The following GRHL2 variants were observed in gnomAD, a reference collection of about 807,000 sequenced individuals.
GRHL2 encodes grainyhead-like protein 2 homolog.
In GRHL2, 21 loss-of-function variants were observed where a neutral mutation model predicts 83.8. The observed-to-expected ratio is 0.25, with a 90% CI of 0.18 to 0.36. GRHL2 has a LOEUF of 0.36. Ranked by LOEUF, GRHL2 falls within the 10% of genes least tolerant of loss-of-function variation. GRHL2 has a pLI of 1.00. For missense variants in GRHL2, 623 were observed against 781.8 expected, an observed-to-expected ratio of 0.80 and a Z score of 2.42; for synonymous variants, 280 against 278.9, an observed-to-expected ratio of 1.00 and a Z score of -0.04.
chr8:101,504,564 CT>C (rs1156417152), intron 1 of GRHL2, among the ~76,000 whole-genome samples: 1 of 151,790 alleles, frequency 6.6e-6, no homozygotes, highest in African/African-American at 2.4e-5. Flanking sequence ...CAGTTTTGAG[CT>C]TTTTTGAAGG....
At chr8:101,514,891 C>T (rs894099324) in intron 1 of GRHL2, among the ~76,000 whole-genome samples, 1 of 151,500 alleles carries the variant, frequency 6.6e-6, no homozygotes, top group Non-Finnish European at 1.5e-5. Context: ...ACTCTCTGTC[C>T]TTCCCCCTTT....
At chr8:101,525,424 ATACT>A (rs1237211060) in intron 1 of GRHL2, among the ~76,000 whole-genome samples, 2 of 152,216 alleles carry the variant, frequency 1.3e-5, no homozygotes, top group Non-Finnish European at 2.9e-5. Context: ...ATTTTAAAAA[ATACT>A]TATTTATGGC....
chr8:101,580,995 G>A (rs1390295277), intron 7 of GRHL2, among the ~76,000 whole-genome samples: 3 of 152,182 alleles, frequency 2.0e-5, no homozygotes, highest in Non-Finnish European at 2.9e-5. Flanking sequence ...AAGCCACTGC[G>A]TGCCACCATT....
intron 1 of GRHL2, among the ~76,000 whole-genome samples, chr8:101,513,462 A>T (rs191185910): frequency 1.3e-4 from 18 of 133,878 alleles, no homozygotes; most frequent in Non-Finnish European, 2.4e-4. Context: ...GGGTGTGTGT[A>T]TGTGTCTCTG....
At chr8:101,577,844 T>A (rs1811964632) in intron 7 of GRHL2, among the ~76,000 whole-genome samples, 1 of 152,198 alleles carries the variant, frequency 6.6e-6, no homozygotes. Flanking sequence ...AGTCAGCAGG[T>A]CAGATGAACT....
At chr8:101,633,294 A>G (rs1813224174) in intron 11 of GRHL2, among the ~76,000 whole-genome samples, 1 of 152,206 alleles carries the variant, frequency 6.6e-6, no homozygotes, top group Non-Finnish European at 1.5e-5. Flanking sequence ...TTGGGTTTTA[A>G]TGAATTTTTG....
Position 101,597,229 on chromosome 8 carries a change from G to A in GRHL2, c.1004-1828G>A, listed in dbSNP as rs114279896. Among the ~76,000 whole-genome samples the A allele has an allele frequency of 5.9e-3, 900 of 152,216 alleles. 9 individuals carry two copies. The highest frequency in any genetic ancestry group is 0.02 in the African/African-American group (830 of 41,518). On this transcript the variant is annotated intron_variant, in intron 7 of 15. Transcript: ENST00000646743. ...TCATCAGTTCAGCTCCCAGGAGTAT[G>A]AATTTTTATCACAGAGATGTCTGTA... is the stretch of plus-strand genomic sequence containing the variant.
At chr8:101,599,013 C>A in intron 7 of GRHL2, 44 bp from the exon 8 acceptor site, 2 of 1,326,096 alleles carry the variant, frequency 1.5e-6, no homozygotes, top group South Asian at 1.2e-5. Context: ...GTCACTGAGT[C>A]ACTCTTACTC....
intron 1 of GRHL2, among the ~76,000 whole-genome samples, chr8:101,519,536 A>G (rs914466260): frequency 3.3e-5 from 5 of 150,080 alleles, no homozygotes; most frequent in Admixed American, 2.0e-4. Flanking sequence ...AGCTGGGATT[A>G]CAGGTGTGCC....
intron 1 of GRHL2, among the ~76,000 whole-genome samples, chr8:101,510,237 T>G (rs939491285): frequency 7.2e-5 from 11 of 152,132 alleles, no homozygotes; most frequent in African/African-American, 2.7e-4. Context: ...GCTCGAGTGA[T>G]CAGCCCACCT....
At chr8:101,648,782 A>G (rs531120675) in intron 13 of GRHL2, among the ~76,000 whole-genome samples, 1 of 151,948 alleles carries the variant, frequency 6.6e-6, no homozygotes, top group East Asian at 1.9e-4. Context: ...CCCCCATCTC[A>G]TCACTTGCCT....
intron 4 of GRHL2, among the ~76,000 whole-genome samples, chr8:101,569,111 G>T (rs2130213736): frequency 6.6e-6 from 1 of 152,268 alleles, no homozygotes; most frequent in South Asian, 2.1e-4. Flanking sequence ...CTTGAAAAAT[G>T]GTCATAGTGA....
At chr8:101,576,965 C>T (rs1235666923) in intron 6 of GRHL2, among the ~76,000 whole-genome samples, 3 of 152,066 alleles carry the variant, frequency 2.0e-5, no homozygotes, top group African/African-American at 7.2e-5. Flanking sequence ...ATATTCCAGC[C>T]TGAGCCACTT....
chr8:101,664,573 G>C, intron 15 of GRHL2, 55 bp downstream of exon 15: 1 of 1,270,602 alleles, frequency 7.9e-7, no homozygotes, highest in Non-Finnish European at 1.1e-6. Context: ...TCCACATGAT[G>C]CCTTAAAAAT....
intron 14 of GRHL2, among the ~76,000 whole-genome samples, chr8:101,659,754 G>T (rs113256483): frequency 2.6e-5 from 4 of 152,134 alleles, no homozygotes; most frequent in African/African-American, 9.7e-5. Flanking sequence ...TCTTCAAAAC[G>T]GCGTTTTGGG....
At chr8:101,646,726 G>GC (rs1159022421) in intron 13 of GRHL2, among the ~76,000 whole-genome samples, 3 of 152,246 alleles carry the variant, frequency 2.0e-5, no homozygotes, top group African/African-American at 7.2e-5. Flanking sequence ...CTTGGGGGCT[G>GC]CCCATGTGGC....
chr8:101,523,204 G>A (rs866500376), intron 1 of GRHL2, among the ~76,000 whole-genome samples: 8 of 151,482 alleles, frequency 5.3e-5, no homozygotes, highest in Admixed American at 4.6e-4. Flanking sequence ...AAGCCACTGC[G>A]CCCAGCCAAC....
At chr8:101,508,298 T>C (rs1262581094) in intron 1 of GRHL2, among the ~76,000 whole-genome samples, 1 of 152,048 alleles carries the variant, frequency 6.6e-6, no homozygotes, top group African/African-American at 2.4e-5. Context: ...TCTCTAACAA[T>C]GCATATTATA....
intron 1 of GRHL2, chr8:101,542,761 C>A (rs1215851954): frequency 4.4e-6 from 2 of 456,536 alleles, no homozygotes; most frequent in Non-Finnish European, 8.8e-6. Context: ...CCAAGGACTT[C>A]TTGCTGCATC....
Sources: allele counts gnomAD v4.1 joint callset (sites outside exome capture counted in the v4.1 genomes callset), GRCh38; gene constraint gnomAD v4.1.1; transcripts MANE v1.5; gene names NCBI Gene and HGNC (gene_info 2026-07-23, HGNC 2026-07-21).